Variants in CREG1 observed in about 807,000 individuals in gnomAD.
CREG1 encodes the protein cellular repressor of E1A stimulated genes 1, also known as protein CREG1.
Under a neutral mutation model 19.9 loss-of-function variants are expected in CREG1, and 20 were observed. That is an observed-to-expected ratio of 1.01 (90% CI 0.71 to 1.46). The LOEUF (loss-of-function observed/expected upper bound fraction) is 1.46. Ranked by LOEUF, CREG1 falls within the 40% of genes most tolerant of loss-of-function variation. CREG1 has a pLI of 0.00. For synonymous variants in CREG1, 141 were observed against 143.3 expected (o/e 0.98, Z 0.12); for missense variants, 290 against 314.9 (o/e 0.92, Z 0.60).
intron 1 of CREG1, 44 bp downstream of exon 1, chr1:167,553,344 C>T: frequency 1.5e-6 from 2 of 1,300,800 alleles, no homozygotes; most frequent in African/African-American, 3.1e-5. Context: ...TCTGTGGCCG[C>T]CCCGCCCACA....
At chr1:167,549,275 C>T (rs1656381926) in intron 1 of CREG1, among the ~76,000 whole-genome samples, 1 of 152,270 alleles carries the variant, frequency 6.6e-6, no homozygotes, top group Non-Finnish European at 1.5e-5. Flanking sequence ...TGTGGGCCAA[C>T]CTTAGGCACT....
chr1:167,542,532 T>C (rs1271245195), intron 3 of CREG1, among the ~76,000 whole-genome samples: 1 of 152,240 alleles, frequency 6.6e-6, no homozygotes, highest in African/African-American at 2.4e-5. Flanking sequence ...ATTTTAGCAA[T>C]AACCCTCCTC....
chr1:167,548,197 C>A lies in CREG1; in HGVS notation c.355-76G>T, dbSNP rs150841373. 2.5e-6 allele frequency: 3 copies of A among 1,188,710 alleles called. No individual in the cohort carries two copies. In the African/African-American group the frequency reaches 4.5e-5, roughly 18 times the overall value. 73.6% of individuals were successfully genotyped at this position (1,188,710 alleles called of 1,614,324 possible). On this transcript the variant is annotated intron_variant, in intron 1 of 3. Coordinates refer to ENST00000370509, the MANE Select transcript of CREG1 (RefSeq NM_003851.3). ...GGTAATAAATTTCAAAAGTTGCATA[C>A]ATGATGTCCCTAGAGCTTGACTGGT...
chr1:167,553,614 G>GCCTCGTCCCAGTCCCCGTGGTC lies in CREG1; in HGVS notation c.106_127dup (p.Ala43GlyfsTer106). 4.3e-6 allele frequency: 6 copies of GCCTCGTCCCAGTCCCCGTGGTC among 1,405,618 alleles called. No homozygotes were observed. The highest frequency in any genetic ancestry group is 4.6e-6 in the Non-Finnish European group (5 of 1,084,418). The allele number at this position is 1,405,618 out of a possible 1,614,324, so 87.1% of individuals were successfully genotyped here. On this transcript the variant is annotated frameshift_variant, in exon 1 of 4. Transcript: ENST00000370509. LOFTEE classifies it high-confidence loss of function. ...GGGTGGTAGCGGCGGCAGCCGGGAG[G>GCCTCGTCCCAGTCCCCGTGGTC]CCTCGTCCCAGTCCCCGTGGTCCCG...
intron 1 of CREG1, among the ~76,000 whole-genome samples, chr1:167,549,326 C>T (rs182097387): frequency 9.9e-4 from 151 of 152,158 alleles, no homozygotes; most frequent in Non-Finnish European, 1.7e-3. Flanking sequence ...TGATAAAATG[C>T]TGATTTGGGT....
chr1:167,545,845 ATATTT>A (rs1178588805), intron 3 of CREG1, among the ~76,000 whole-genome samples: 1 of 152,174 alleles, frequency 6.6e-6, no homozygotes, highest in Admixed American at 6.5e-5. Flanking sequence ...ACTAGATCTT[ATATTT>A]AATATATTAA....
Position 167,548,083 on chromosome 1 carries a change from C to A in CREG1, c.393G>T (p.Gln131His). The A allele has an allele frequency of 6.2e-7, 1 of 1,613,460 alleles. No individual in the cohort carries two copies. The highest frequency in any genetic ancestry group is 8.5e-7 in the Non-Finnish European group (1 of 1,179,410). Residue 131 changes from glutamine to histidine, a missense_variant, in exon 2 of 4, where the codon CAG (glutamine) becomes CAT (histidine). Gln to His is a conservative substitution (Grantham distance 24). Coordinates refer to ENST00000370509, the MANE Select transcript of CREG1 (RefSeq NM_003851.3). The stretch of plus-strand genomic sequence containing the variant: ...ATCCATGTTTCTTGCAGAAGTTGGT[C>A]TGTGCCAAAGTCATGGTCAGTGTAG... ...PYATLTMTLA[Q>H]TNFCKKHGFD...
Position 167,553,472 on chromosome 1 carries a change from C to G in CREG1, c.270G>C (p.Ser90=). 2 of 1,485,306 alleles carry G rather than the reference C, an allele frequency of 1.3e-6. No individual in the cohort carries two copies. Among genetic ancestry groups the G allele is most frequent in the Non-Finnish European group, 1.8e-6 (2 of 1,125,000 alleles). The allele number at this position is 1,485,306 out of a possible 1,614,324, so 92.0% of individuals were successfully genotyped here. Residue 90 remains serine (S), a synonymous_variant, in exon 1 of 4, where the codon TCG becomes TCC. Transcript: ENST00000370509. ...CCGCGCCCGGGGGCCCGTCGCTGAG[C>G]GAGAGGACGTCGGCGAAGGGCCGGC... The part of the protein sequence containing the change: ...VRGRPFADVL[S]LSDGPPGAGS...
chr1:167,548,311 G>A (rs1278841231), intron 1 of CREG1, among the ~76,000 whole-genome samples, 190 bp from the exon 2 acceptor site: 3 of 152,234 alleles, frequency 2.0e-5, no homozygotes, highest in African/African-American at 7.2e-5. Context: ...CCCAAAGGGG[G>A]TGCGGGGGTT....
Position 167,544,769 on chromosome 1 carries a change from T to G in CREG1, c.659+1332A>C, listed in dbSNP as rs550751510. 2.6e-5 allele frequency among the ~76,000 whole-genome samples: 4 copies of G among 152,262 alleles called. No individual in the cohort carries two copies. The South Asian group carries it at 8.3e-4, about 32-fold the overall frequency. ...AGCACCTACCTGTTGCGGTGGAAGG[T>G]TGCGCAAGAAAGGGATGTGGTGAGA... On this transcript the variant is annotated intron_variant, in intron 3 of 3. Transcript: ENST00000370509.
Position 167,541,850 on chromosome 1 carries a change from C to G in CREG1, c.*448G>C, listed in dbSNP as rs1383851316. ...ACCATAATGGGGGCCAATCCTTTTG[C>G]ACCAGGCTCAGGCAGCTCAGGAGGC... On this transcript the variant is annotated 3_prime_UTR_variant, in exon 4 of 4. Transcript: ENST00000370509. 6.5e-6 allele frequency: 1 copy of G among 153,296 alleles called. No individual in the cohort carries two copies. The highest frequency in any genetic ancestry group is 1.5e-5 in the Non-Finnish European group (1 of 68,766). The allele number at this position is 153,296 out of a possible 1,614,324, so 9.5% of individuals were successfully genotyped here.
Position 167,542,273 on chromosome 1 carries a change from G to A in CREG1, c.*25C>T, listed in dbSNP as rs1350741113. 2 of 1,597,592 alleles carry A rather than the reference G, an allele frequency of 1.3e-6. No individual in the cohort carries two copies. The highest frequency in any genetic ancestry group is 2.7e-5 in the African/African-American group (2 of 74,052). On this transcript the variant is annotated 3_prime_UTR_variant, in exon 4 of 4. Coordinates refer to ENST00000370509, the MANE Select transcript of CREG1 (RefSeq NM_003851.3). ...AGCCACTTTAAGAAACTTCATAAGT[G>A]TTGCTAAATTCACCACAGTCTGCTT...
intron 3 of CREG1, among the ~76,000 whole-genome samples, chr1:167,545,216 C>T (rs1377090728): frequency 2.0e-5 from 3 of 152,138 alleles, no homozygotes; most frequent in Non-Finnish European, 4.4e-5. Flanking sequence ...TGAGAAAATG[C>T]CATCGTGGGT....
chr1:167,552,679 A>T (rs1056718886), intron 1 of CREG1, among the ~76,000 whole-genome samples: 9 of 152,214 alleles, frequency 5.9e-5, no homozygotes, highest in African/African-American at 2.2e-4. Flanking sequence ...AGGGTAAGAG[A>T]GTGAGAAACC....
intron 3 of CREG1, 86 bp downstream of exon 3, chr1:167,546,015 T>G (rs1334933312): frequency 1.7e-6 from 2 of 1,176,884 alleles, no homozygotes; most frequent in African/African-American, 1.6e-5. Flanking sequence ...CCAGGGCACA[T>G]GAAACGGTTA....
rs1451026008 is a variant in CREG1 at position 167,541,268 on chromosome 1, GTCTTC to G, written c.*1025_*1029del. On this transcript the variant is annotated 3_prime_UTR_variant, in exon 4 of 4. Transcript: ENST00000370509. ...CATGTATATGGGTAATAATATTAGT[GTCTTC>G]TCTTCTGAAGATGTGATTCTTTTAA... The G allele has an allele frequency of 6.6e-6, 1 of 152,170 alleles. No individual in the cohort carries two copies. Among genetic ancestry groups the G allele is most frequent in the African/African-American group, 2.4e-5 (1 of 41,422 alleles). The allele number at this position is 152,170 out of a possible 1,614,324, so 9.4% of individuals were successfully genotyped here.
At position 167,553,480 on chromosome 1, in the gene CREG1, C is replaced by A. The variant is rs1301944398; in HGVS notation, c.262G>T (p.Val88Phe). The A allele has an allele frequency of 3.4e-6, 5 of 1,488,032 alleles. No individual in the cohort carries two copies. The highest frequency in any genetic ancestry group is 1.3e-5 in the South Asian group (1 of 79,498). 92.2% of individuals were successfully genotyped at this position (1,488,032 alleles called of 1,614,324 possible). The change falls in exon 1 of 4, where the codon GTC (valine) becomes TTC (phenylalanine). Residue 88 changes from valine to phenylalanine, a missense_variant. Coordinates refer to ENST00000370509, the MANE Select transcript of CREG1 (RefSeq NM_003851.3). ...EAVRGRPFAD[V>F]LSLSDGPPGA... ...GGGGGCCCGTCGCTGAGCGAGAGGA[C>A]GTCGGCGAAGGGCCGGCCGCGCACC...
intron 3 of CREG1, among the ~76,000 whole-genome samples, chr1:167,545,315 G>T (rs1261769530): frequency 6.6e-6 from 1 of 152,128 alleles, no homozygotes; most frequent in Admixed American, 6.5e-5. Context: ...GAGTTCAGGG[G>T]TCTGCGAACT....
Position 167,541,202 on chromosome 1 carries a change from C to T in CREG1, c.*1096G>A, listed in dbSNP as rs1656215913. ...AAGGATTCAGTGGCTTGATTCCTGA[C>T]ATTTCCTCTTTAAGAGGAATCTTAT... On this transcript the variant is annotated 3_prime_UTR_variant, in exon 4 of 4. Transcript: ENST00000370509. 1 of 152,312 alleles carries T rather than the reference C, an allele frequency of 6.6e-6. No individual in the cohort carries two copies. Among genetic ancestry groups the T allele is most frequent in the South Asian group, 2.1e-4 (1 of 4,832 alleles). The allele number at this position is 152,312 out of a possible 1,614,324, so 9.4% of individuals were successfully genotyped here.
Sources: allele counts gnomAD v4.1 joint callset (sites outside exome capture counted in the v4.1 genomes callset), GRCh38; gene constraint gnomAD v4.1.1; transcripts MANE v1.5; gene names NCBI Gene and HGNC (gene_info 2026-07-23, HGNC 2026-07-21).